Variants in ASZ1 observed in about 807,000 individuals in gnomAD.
ASZ1 encodes ankyrin repeat, SAM and basic leucine zipper domain containing 1.
A neutral mutation model predicts 61.8 loss-of-function variants in ASZ1; 67 were observed. The observed-to-expected ratio is 1.08, with a 90% CI of 0.89 to 1.33. The LOEUF is 1.33. Ranked by LOEUF, ASZ1 falls within the 40% of genes most tolerant of loss-of-function variation. ASZ1 has a pLI of 0.00. For synonymous variants in ASZ1, 193 were observed against 192.7 expected, an observed-to-expected ratio of 1.00 and a Z score of -0.01; for missense variants, 577 against 554.5, an observed-to-expected ratio of 1.04 and a Z score of -0.41.
chr7:117,421,640 G>A (rs1263897931), intron 3 of ASZ1, among the ~76,000 whole-genome samples: 2 of 152,074 alleles, frequency 1.3e-5, no homozygotes, highest in East Asian at 1.9e-4. Flanking sequence ...GAATAAAATT[G>A]TAGGTATAAA....
At chr7:117,398,138 TGCTTA>T in intron 4 of ASZ1, among the ~76,000 whole-genome samples, 1 of 152,254 alleles carries the variant, frequency 6.6e-6, no homozygotes, top group Non-Finnish European at 1.5e-5. Flanking sequence ...TTTTTTAATC[TGCTTA>T]AAACACTCCT....
rs1279509156 is a variant in ASZ1 at position 117,385,568 on chromosome 7, C to T, written c.552+130G>A. 4 of 757,712 alleles carry T rather than the reference C, an allele frequency of 5.3e-6. No homozygotes were observed. The Admixed American group carries it at 7.8e-5, about 15-fold the overall frequency. The allele number at this position is 757,712 out of a possible 1,614,324, so 46.9% of individuals were successfully genotyped here. A position where few individuals can be genotyped will look rare whatever the true frequency, so the allele number is the denominator to read the frequency against. ...GAGTCACCATACCCTTCTATTTCAA[C>T]TGTTGCTTTTTTTCACCAGATAGCA... On this transcript the variant is annotated intron_variant, in intron 5 of 12. Coordinates refer to ENST00000284629, the MANE Select transcript of ASZ1 (RefSeq NM_130768.3).
At chr7:117,423,689 C>CAAAAAAAAAAAAA (rs60144830) in intron 2 of ASZ1, among the ~76,000 whole-genome samples, 2 of 76,448 alleles carry the variant, frequency 2.6e-5, no homozygotes, top group African/African-American at 5.6e-5. Context: ...ACTAAAAATA[C>CAAAAAAAAAAAAA]AAAAAAAAAA....
rs527379286 is a variant in ASZ1, at chr7:117,406,668, T to C, written c.440+13495A>G. Among the ~76,000 whole-genome samples the C allele has an allele frequency of 4.6e-5, 7 of 151,682 alleles. No individual in the cohort carries two copies. The East Asian group carries it at 1.4e-3, about 29-fold the overall frequency. ...CTTGGGAGGCTGAGGTAGGAGAATCTCTTGAACCCGGGAGGCGGAGGTTGT... is the reference window on the plus strand; with the variant it reads ...CTTGGGAGGCTGAGGTAGGAGAATCCCTTGAACCCGGGAGGCGGAGGTTGT... On this transcript the variant is annotated intron_variant, in intron 4 of 12. Coordinates refer to ENST00000284629, the MANE Select transcript of ASZ1 (RefSeq NM_130768.3).
At position 117,382,062 on chromosome 7, in the gene ASZ1, A is replaced by G. The variant is rs1353235655; in HGVS notation, c.888+7T>C. 2.0e-6 allele frequency: 3 copies of G among 1,534,896 alleles called. No homozygotes were observed. Among genetic ancestry groups the G allele is most frequent in the Non-Finnish European group, 2.7e-6 (3 of 1,109,486 alleles). ...CATAACTCACTGTAGGTTATATAAG[A>G]TCTTACCTTTAGTAAATCTGTCATA... On this transcript the variant is annotated splice_region_variant and intron_variant, in intron 8 of 12. Coordinates refer to ENST00000284629, the MANE Select transcript of ASZ1 (RefSeq NM_130768.3).
chr7:117,382,908 G>T, intron 7 of ASZ1, 78 bp downstream of exon 7: 2 of 1,330,460 alleles, frequency 1.5e-6, no homozygotes, highest in South Asian at 1.6e-5. Flanking sequence ...TTTTAAATAA[G>T]TCACCACATT....
At chr7:117,426,308 T>G (rs1225943350) in intron 2 of ASZ1, among the ~76,000 whole-genome samples, 2 of 141,858 alleles carry the variant, frequency 1.4e-5, no homozygotes, top group African/African-American at 5.3e-5. Flanking sequence ...GGTGAAACCC[T>G]CTCTCTATTA....
At chr7:117,379,848 T>G in intron 10 of ASZ1, 90 bp downstream of exon 10, 1 of 811,654 alleles carries the variant, frequency 1.2e-6, no homozygotes, top group Non-Finnish European at 1.9e-6. Context: ...TGGTATCAAG[T>G]AAAATGACTC....
chr7:117,417,346 C>T (rs1327477849), intron 4 of ASZ1, among the ~76,000 whole-genome samples: 1 of 152,122 alleles, frequency 6.6e-6, no homozygotes, highest in African/African-American at 2.4e-5. Flanking sequence ...CATTGCTCAA[C>T]AAAAAAGGCT....
intron 8 of ASZ1, 43 bp from the exon 9 acceptor site, chr7:117,381,110 A>G (rs1337231682): frequency 2.0e-6 from 3 of 1,478,474 alleles, no homozygotes; most frequent in Non-Finnish European, 2.8e-6. Flanking sequence ...TATAATTAAA[A>G]TAGTAGAAGG....
chr7:117,421,605 T>C (rs1308030287), intron 3 of ASZ1, among the ~76,000 whole-genome samples: 4 of 152,254 alleles, frequency 2.6e-5, no homozygotes, highest in South Asian at 4.1e-4. Context: ...CAGAAATTTA[T>C]GTAAAATATA....
chr7:117,424,314 C>A (rs542421136), intron 2 of ASZ1, among the ~76,000 whole-genome samples: 2 of 152,020 alleles, frequency 1.3e-5, no homozygotes, highest in African/African-American at 4.8e-5. Context: ...GTTTCAAGAA[C>A]AATAATGACT....
intron 12 of ASZ1, among the ~76,000 whole-genome samples, chr7:117,365,533 A>C (rs1795919527): frequency 6.6e-6 from 1 of 152,222 alleles, no homozygotes; most frequent in Non-Finnish European, 1.5e-5. Flanking sequence ...GAGAAACCAA[A>C]TTAGTAAATA....
intron 2 of ASZ1, among the ~76,000 whole-genome samples, chr7:117,424,712 G>A (rs1797163077): frequency 6.6e-6 from 1 of 152,084 alleles, no homozygotes; most frequent in Admixed American, 6.6e-5. Context: ...ACAAATCTCT[G>A]CCTATTCCAC....
rs750456761 is a variant in ASZ1, at chr7:117,422,247, G to A, written c.318C>T (p.Ser106=). ...TCTAAAACATCTTACCCTTCTCAAA[G>A]CTTGCATTAGCACCTCTGTCCAAAA... ...RVLLDRGANA[S]FEKDKQSILI... is the part of the protein sequence containing the mutation. Residue 106 remains serine (S), a synonymous_variant, in exon 3 of 13, where the codon AGC becomes AGT. Transcript: ENST00000284629. The A allele has an allele frequency of 6.2e-7, 1 of 1,613,244 alleles. No homozygotes were observed. Among genetic ancestry groups the A allele is most frequent in the Admixed American group, 1.7e-5 (1 of 59,826 alleles).
At chr7:117,393,775 T>C (rs1243004269) in intron 4 of ASZ1, among the ~76,000 whole-genome samples, 2 of 152,152 alleles carry the variant, frequency 1.3e-5, no homozygotes, top group East Asian at 3.9e-4. Flanking sequence ...TTATCATGCG[T>C]CCATAATAAA....
In ASZ1 at chr7:117,385,810, C is replaced by T. The variant is rs774985013; in HGVS notation, c.441-1G>A. On this transcript the variant is annotated splice_acceptor_variant, in intron 4 of 12. Transcript: ENST00000284629. LOFTEE classifies it high-confidence loss of function. ...ATACATGATTGGGGTCATAAGTCTC[C>T]TAAGGAGGAGGAAGAAAGGAAACAT... 1 of 1,603,216 alleles carries T rather than the reference C, an allele frequency of 6.2e-7. No individual in the cohort carries two copies. Among genetic ancestry groups the T allele is most frequent in the Non-Finnish European group, 8.5e-7 (1 of 1,171,912 alleles).
chr7:117,391,258 C>T (rs1274933201), intron 4 of ASZ1, among the ~76,000 whole-genome samples: 1 of 151,744 alleles, frequency 6.6e-6, no homozygotes, highest in Non-Finnish European at 1.5e-5. Context: ...CAAATATTTT[C>T]TCCCATTCTG....
intron 4 of ASZ1, among the ~76,000 whole-genome samples, chr7:117,393,405 G>T (rs1296879340): frequency 6.6e-6 from 1 of 151,576 alleles, no homozygotes; most frequent in African/African-American, 2.4e-5. Flanking sequence ...TTTGTTCTAT[G>T]TATTTAAAAG....
Sources: allele counts gnomAD v4.1 joint callset (sites outside exome capture counted in the v4.1 genomes callset), GRCh38; gene constraint gnomAD v4.1.1; transcripts MANE v1.5; gene names NCBI Gene and HGNC (gene_info 2026-07-23, HGNC 2026-07-21).